The following MAP4K1 variants were observed in gnomAD, a reference collection of about 807,000 sequenced individuals.
The protein encoded by MAP4K1 is MAPK/ERK kinase kinase kinase 1.
A neutral mutation model predicts 122.8 loss-of-function variants in MAP4K1; 35 were observed. The ratio of observed to expected loss-of-function variants is 0.29; its 90% CI spans 0.22 to 0.38. The LOEUF (loss-of-function observed/expected upper bound fraction) is 0.38, where lower values mean the gene tolerates loss of function less well. MAP4K1 is among the 10% of genes least tolerant of loss of function. The probability of loss-of-function intolerance (pLI) is 1.00; values close to 1 mark genes in which losing one functional copy is unlikely to be tolerated. For synonymous variants in MAP4K1, 412 were observed against 421.3 expected (o/e 0.98, Z 0.27); for missense variants, 791 against 1,072.6 (o/e 0.74, Z 3.67).
intron 19 of MAP4K1, among the ~76,000 whole-genome samples, chr19:38,605,132 G>GCCTCCTCAAAGGTATTTATATGA (rs1975285436): frequency 6.7e-6 from 1 of 149,714 alleles, no homozygotes; most frequent in African/African-American, 2.5e-5. Context: ...GCCTCAGCCT[G>GCCTCCTCAAAGGTATTTATATGA]CCTCCTCAAA....
Position 38,603,064 on chromosome 19 carries a change from ACACATATACATATATACACATG to A in MAP4K1, c.1447-1561_1447-1540del, listed in dbSNP as rs1400808263. On this transcript the variant is annotated intron_variant, in intron 19 of 30. Coordinates refer to ENST00000396857, the MANE Select transcript of MAP4K1 (RefSeq NM_001042600.3). The stretch of plus-strand genomic sequence containing the variant: ...TGTACATATATACGCATATACATAT[ACACATATACATATATACACATG>A]TACATATATACACATGTACATATAT... Among the ~76,000 whole-genome samples the A allele has an allele frequency of 4.6e-5, 6 of 131,164 alleles. 2 individuals carry two copies. The highest frequency in any genetic ancestry group is 1.9e-4 in the African/African-American group (6 of 32,156). 86.0% of individuals were successfully genotyped at this position (131,164 alleles called of 152,430 possible).
chr19:38,601,544 G>T lies in MAP4K1; in HGVS notation c.1447-19C>A. 1 of 1,585,362 alleles carries T rather than the reference G, an allele frequency of 6.3e-7. No homozygotes were observed. Among genetic ancestry groups the T allele is most frequent in the Non-Finnish European group, 8.6e-7 (1 of 1,164,256 alleles). On this transcript the variant is annotated intron_variant, in intron 19 of 30. Coordinates refer to ENST00000396857, the MANE Select transcript of MAP4K1 (RefSeq NM_001042600.3). ...CACATCCCTGGGCAGGTCGCCGCGG[G>T]GCCAGGCAGCAGATCCGGCAAAGAG...
At position 38,607,925 on chromosome 19, in the gene MAP4K1, G is replaced by A. The variant is rs752503912; in HGVS notation, c.1110-14C>T. ...GACAGTTGCTTCCTGAAGGGTGACA[G>A]GTATGAGCCTTGGGGGCCTTGTCCA... On this transcript the variant is annotated splice_polypyrimidine_tract_variant and intron_variant, in intron 15 of 30. Coordinates refer to ENST00000396857, the MANE Select transcript of MAP4K1 (RefSeq NM_001042600.3). The A allele has an allele frequency of 1.2e-6, 2 of 1,612,366 alleles. No homozygotes were observed. Among genetic ancestry groups the A allele is most frequent in the East Asian group, 4.5e-5 (2 of 44,846 alleles).
chr19:38,596,231 A>C, intron 26 of MAP4K1, 81 bp downstream of exon 26: 2 of 1,464,236 alleles, frequency 1.4e-6, no homozygotes. Flanking sequence ...GTAGTGCCTC[A>C]GGCTAAGCGA....
chr19:38,593,111 G>C (rs182434856), intron 30 of MAP4K1, among the ~76,000 whole-genome samples, 171 bp downstream of exon 30: 1 of 151,994 alleles, frequency 6.6e-6, no homozygotes, highest in East Asian at 1.9e-4. Flanking sequence ...AAGAGAGAAC[G>C]CCCCCGTGGC....
chr19:38,592,460 A>C (rs1974755382), intron 30 of MAP4K1: 1 of 152,072 alleles, frequency 6.6e-6, no homozygotes, highest in Non-Finnish European at 1.5e-5. Flanking sequence ...CTGTAAACCC[A>C]GCTACTTGGG....
intron 22 of MAP4K1, 39 bp downstream of exon 22, chr19:38,599,886 A>G: frequency 6.2e-7 from 1 of 1,605,762 alleles, no homozygotes; most frequent in Non-Finnish European, 8.5e-7. Flanking sequence ...TGGACCCCTT[A>G]ACTTCCGACC....
intron 19 of MAP4K1, among the ~76,000 whole-genome samples, chr19:38,604,305 A>T (rs965562213): frequency 6.6e-6 from 1 of 152,124 alleles, no homozygotes; most frequent in Admixed American, 6.6e-5. Context: ...CTTTTTGTAC[A>T]TCTCCATTTA....
At chr19:38,598,988 G>A (rs1349155397) in intron 22 of MAP4K1, among the ~76,000 whole-genome samples, 25 of 144,566 alleles carry the variant, frequency 1.7e-4, no homozygotes, top group Non-Finnish European at 2.4e-4. Flanking sequence ...ACTCCAGTCT[G>A]GGCAACAGAG....
Position 38,617,393 on chromosome 19 carries a change from C to G in MAP4K1, c.209G>C (p.Arg70Pro). 1 of 1,613,894 alleles carries G rather than the reference C, an allele frequency of 6.2e-7. No homozygotes were observed. Residue 70 changes from arginine to proline, a missense_variant, in exon 3 of 31, where the codon CGG (arginine) becomes CCG (proline). By Grantham distance (103) the Arg-to-Pro change is moderately radical (BLOSUM62 -2). Transcript: ENST00000396857. The surrounding 1 kb of genome is among the most constrained non-coding windows in gnomAD (Gnocchi z 4.1). ...QKEILILKTC[R>P]HANIVAYHGS... ...ATGGTAGGCCACGATGTTGGCGTGC[C>G]GGCAAGTTTTCAATATGAGGATTTC... is the stretch of plus-strand genomic sequence containing the variant.
intron 19 of MAP4K1, among the ~76,000 whole-genome samples, chr19:38,603,033 T>C (rs1975168982): frequency 6.8e-6 from 1 of 146,404 alleles, no homozygotes; most frequent in African/African-American, 2.5e-5. Context: ...TATACATATA[T>C]ACACATGTAC....
chr19:38,597,602 G>T lies in MAP4K1; in HGVS notation c.1670-8C>A. 1.3e-6 allele frequency: 2 copies of T among 1,590,686 alleles called. No individual in the cohort carries two copies. The highest frequency in any genetic ancestry group is 1.1e-5 in the South Asian group (1 of 88,888). ...ACAGGTGGGGGGTCTTTCCTGCAGG[G>T]TGTGTGTATGTAGGGGGAAGCAGGA... On this transcript the variant is annotated splice_polypyrimidine_tract_variant and splice_region_variant and intron_variant, in intron 22 of 30. Transcript: ENST00000396857. This position sits in a 1 kb window ranked among gnomAD's most constrained non-coding sequence, Gnocchi z 4.6.
chr19:38,611,339 C>T, intron 9 of MAP4K1, 34 bp from the exon 10 acceptor site: 3 of 1,491,642 alleles, frequency 2.0e-6, no homozygotes, highest in Non-Finnish European at 2.8e-6. Flanking sequence ...GGGGTTCAGA[C>T]CCTCAAGGGG....
rs748508273 is a variant in MAP4K1 at position 38,607,980 on chromosome 19, G to A, written c.1109+10C>T. The A allele has an allele frequency of 2.5e-6, 4 of 1,611,748 alleles. No individual in the cohort carries two copies. In the East Asian group the frequency reaches 6.7e-5, roughly 27 times the overall value. On this transcript the variant is annotated intron_variant, in intron 15 of 30. Transcript: ENST00000396857. ...CCAGCCCCCTCCCCATCCTCCCTGGGGTCCCTGACCTGGGGCTGCTGCTCC... is the reference window on the plus strand; with the variant it reads ...CCAGCCCCCTCCCCATCCTCCCTGGAGTCCCTGACCTGGGGCTGCTGCTCC...
chr19:38,595,710 G>T lies in MAP4K1; in HGVS notation c.2199C>A (p.Thr733=). The change falls in exon 28 of 31, where the codon ACC becomes ACA. Residue 733 remains threonine, a synonymous_variant. Transcript: ENST00000396857. ...VLMDGSVKLV[T]PEGSPVRGLR... The stretch of plus-strand genomic sequence containing the variant: ...GTCCCCGGACTGGGGACCCCTCCGG[G>T]GTCACCAGCTTCACAGAGCCTGGAA... 6.2e-7 allele frequency: 1 copy of T among 1,605,738 alleles called. No homozygotes were observed. The highest frequency in any genetic ancestry group is 1.3e-5 in the African/African-American group (1 of 74,496).
At chr19:38,594,386 T>C (rs1292222214) in intron 29 of MAP4K1, among the ~76,000 whole-genome samples, 1 of 152,162 alleles carries the variant, frequency 6.6e-6, no homozygotes, top group Non-Finnish European at 1.5e-5. Flanking sequence ...ACGCCTGTAC[T>C]CCCAGCACTT....
intron 30 of MAP4K1, among the ~76,000 whole-genome samples, chr19:38,591,000 C>T (rs922276244): frequency 3.4e-5 from 5 of 147,888 alleles, no homozygotes; most frequent in South Asian, 4.4e-4. Flanking sequence ...CACACACACA[C>T]ATATACTTGT....
intron 29 of MAP4K1, among the ~76,000 whole-genome samples, chr19:38,595,232 T>C (rs577448567): frequency 1.4e-4 from 22 of 151,980 alleles, no homozygotes; most frequent in Non-Finnish European, 2.4e-4. Flanking sequence ...GAGGTTGCAG[T>C]GAGCCGGGAT....
At chr19:38,588,792 G>A (rs1005342307) in intron 30 of MAP4K1, among the ~76,000 whole-genome samples, 7 of 149,960 alleles carry the variant, frequency 4.7e-5, no homozygotes, top group Non-Finnish European at 1.0e-4. Flanking sequence ...GGTGGTGCAC[G>A]CCTGTAATCC....
Sources: allele counts gnomAD v4.1 joint callset (sites outside exome capture counted in the v4.1 genomes callset), GRCh38; gene constraint gnomAD v4.1.1; non-coding constraint Gnocchi (gnomAD v3.1); transcripts MANE v1.5; gene names NCBI Gene and HGNC (gene_info 2026-07-23, HGNC 2026-07-21).